Variants in MCC observed in about 807,000 individuals in gnomAD.
MCC encodes colorectal mutant cancer protein.
A neutral mutation model predicts 116.2 loss-of-function variants in MCC; 90 were observed. The observed-to-expected ratio is 0.77, with a 90% CI of 0.65 to 0.92. The LOEUF (loss-of-function observed/expected upper bound fraction) is 0.92. MCC is among the 40% of genes least tolerant of loss of function. The probability of loss-of-function intolerance (pLI) is 0.00; values close to 1 mark genes in which losing one functional copy is unlikely to be tolerated. For missense variants in MCC, 1,516 were observed against 1,312.2 expected, an observed-to-expected ratio of 1.16 and a Z score of -2.40; for synonymous variants, 578 against 510.5, an observed-to-expected ratio of 1.13 and a Z score of -1.78.
intron 1 of MCC, among the ~76,000 whole-genome samples, chr5:113,455,113 C>G (rs1305885494): frequency 6.6e-6 from 1 of 152,192 alleles, no homozygotes; most frequent in Non-Finnish European, 1.5e-5. Context: ...AACCTGACTT[C>G]TTGCAGTTTT....
intron 3 of MCC, among the ~76,000 whole-genome samples, chr5:113,205,015 C>T (rs1382526453): frequency 6.6e-6 from 1 of 152,150 alleles, no homozygotes; most frequent in African/African-American, 2.4e-5. Context: ...GGTTTTATAG[C>T]CAAAGCCACA....
intron 3 of MCC, among the ~76,000 whole-genome samples, chr5:113,153,400 G>T (rs1364188729): frequency 6.6e-6 from 1 of 152,174 alleles, no homozygotes. Context: ...GACACACACA[G>T]AGTACTTACT....
chr5:113,313,780 TTC>T (rs1767197753), intron 3 of MCC, among the ~76,000 whole-genome samples: 1 of 151,938 alleles, frequency 6.6e-6, no homozygotes, highest in Non-Finnish European at 1.5e-5. Flanking sequence ...ATCTGCCATT[TTC>T]TTTCTCTCTC....
In MCC at chr5:113,459,231, A is replaced by G. The variant is rs150193951; in HGVS notation, c.170+29014T>C. Among the ~76,000 whole-genome samples, 581 of 150,966 alleles carry G rather than the reference A, an allele frequency of 3.8e-3. 4 individuals are homozygous for G. The highest frequency in any genetic ancestry group is 7.0e-3 in the Non-Finnish European group (476 of 67,798). ...ATATGAATGAAGACTCTGGAAAAAT[A>G]TACCTTTTGAAAAAGCCACAGGCCA... On this transcript the variant is annotated intron_variant, in intron 1 of 18. Coordinates refer to ENST00000408903, the MANE Select transcript of MCC (RefSeq NM_001085377.2).
intron 8 of MCC, among the ~76,000 whole-genome samples, chr5:113,098,894 C>T (rs939209900): frequency 6.6e-6 from 1 of 152,166 alleles, no homozygotes; most frequent in Non-Finnish European, 1.5e-5. Flanking sequence ...AAAGGCAAAC[C>T]AGCCTTGTAC....
chr5:113,116,100 C>T (rs541303318), intron 6 of MCC, among the ~76,000 whole-genome samples: 23 of 152,264 alleles, frequency 1.5e-4, no homozygotes, highest in South Asian at 1.5e-3. Context: ...GGGTCACCTG[C>T]GGCAGCTCCA....
Position 113,053,791 on chromosome 5 carries a change from A to T in MCC, c.2382T>A (p.Pro794=). 6.2e-7 allele frequency: 1 copy of T among 1,614,038 alleles called. No individual in the cohort carries two copies. Among genetic ancestry groups the T allele is most frequent in the Non-Finnish European group, 8.5e-7 (1 of 1,179,932 alleles). Residue 794 remains proline (P), a synonymous_variant, in exon 15 of 19, where the codon CCT becomes CCA. Transcript: ENST00000408903. ...HIDPLSYDVK[P]RGDSQRLDLE... ...GATCCAGCCTCTGGCTGTCTCCCCGAGGCTTGACGTCATAGCTGAGAGGAT... is the reference window on the plus strand; with the variant it reads ...GATCCAGCCTCTGGCTGTCTCCCCGTGGCTTGACGTCATAGCTGAGAGGAT...
intron 12 of MCC, 131 bp from the exon 13 acceptor site, chr5:113,068,314 C>T: frequency 3.0e-6 from 2 of 656,968 alleles, no homozygotes; most frequent in South Asian, 1.8e-5. Context: ...AAGGAAACCA[C>T]CCATGAATAT....
intron 3 of MCC, among the ~76,000 whole-genome samples, chr5:113,181,686 G>T (rs967374721): frequency 6.6e-6 from 1 of 152,114 alleles, no homozygotes; most frequent in African/African-American, 2.4e-5. Flanking sequence ...AAGAACAAAT[G>T]AAAATATAAC....
Position 113,434,911 on chromosome 5 carries a change from C to T in MCC, c.171-49699G>A, listed in dbSNP as rs1770803528. 3.3e-6 allele frequency: 5 copies of T among 1,523,782 alleles called. No individual in the cohort carries two copies. Among genetic ancestry groups the T allele is most frequent in the Non-Finnish European group, 4.4e-6 (5 of 1,133,224 alleles). 94.4% of individuals were successfully genotyped at this position (1,523,782 alleles called of 1,614,324 possible). On this transcript the variant is annotated intron_variant, in intron 1 of 18. Coordinates refer to ENST00000408903, the MANE Select transcript of MCC (RefSeq NM_001085377.2). This position sits in a 1 kb window ranked among gnomAD's most constrained non-coding sequence, Gnocchi z 4.2. ...GAGGCGCATGGGCCAGCAGTGTGCT[C>T]ATTTACATCCTGGATAGAGAGTCCT... is the stretch of plus-strand genomic sequence containing the variant.
intron 3 of MCC, among the ~76,000 whole-genome samples, chr5:113,242,810 A>G (rs2091804): frequency 0.28 from 43,200 of 152,018 alleles, 8,664 homozygotes; most frequent in African/African-American, 0.56. Context: ...AAAAGGAACA[A>G]AAAACTGTGT....
At chr5:113,421,731 G>A (rs929763903) in intron 1 of MCC, among the ~76,000 whole-genome samples, 3 of 152,090 alleles carry the variant, frequency 2.0e-5, no homozygotes, top group Non-Finnish European at 2.9e-5. Flanking sequence ...AAACATCCAC[G>A]GAGCTAATGT....
chr5:113,096,225 G>T (rs929415873), intron 8 of MCC, among the ~76,000 whole-genome samples: 1 of 152,258 alleles, frequency 6.6e-6, no homozygotes, highest in East Asian at 1.9e-4. Flanking sequence ...CTGCAGAGGG[G>T]AAGTAGAGGA....
intron 2 of MCC, among the ~76,000 whole-genome samples, chr5:113,361,770 G>C (rs907326152): frequency 1.3e-5 from 2 of 152,208 alleles, no homozygotes; most frequent in Non-Finnish European, 2.9e-5. Context: ...AAAGAGAAAA[G>C]CTATATTCAC....
intron 13 of MCC, among the ~76,000 whole-genome samples, chr5:113,066,198 G>A (rs1389600942): frequency 6.6e-6 from 1 of 152,164 alleles, no homozygotes; most frequent in Non-Finnish European, 1.5e-5. Flanking sequence ...CCAAATAACT[G>A]CACTGAGTAG....
intron 1 of MCC, among the ~76,000 whole-genome samples, chr5:113,416,036 C>T (rs1175720422): frequency 6.6e-6 from 1 of 152,148 alleles, no homozygotes; most frequent in African/African-American, 2.4e-5. Context: ...CCCTAAGCTG[C>T]AGGTCTGTTG....
At chr5:113,326,729 T>G (rs766447285) in intron 3 of MCC, among the ~76,000 whole-genome samples, 2 of 152,222 alleles carry the variant, frequency 1.3e-5, no homozygotes, top group Non-Finnish European at 2.9e-5. Context: ...CTCTGTGTTA[T>G]CTTCATAATC....
chr5:113,318,414 T>C (rs1192902744), intron 3 of MCC, among the ~76,000 whole-genome samples: 1 of 152,242 alleles, frequency 6.6e-6, no homozygotes, highest in Non-Finnish European at 1.5e-5. Flanking sequence ...TTTAATCTAC[T>C]TAACATGATT....
At chr5:113,405,358 A>G (rs993199004) in intron 1 of MCC, among the ~76,000 whole-genome samples, 27 of 152,372 alleles carry the variant, frequency 1.8e-4, no homozygotes, top group African/African-American at 6.5e-4. Flanking sequence ...GAGCATCAGT[A>G]TATAAGATAT....
Sources: allele counts gnomAD v4.1 joint callset (sites outside exome capture counted in the v4.1 genomes callset), GRCh38; gene constraint gnomAD v4.1.1; non-coding constraint Gnocchi (gnomAD v3.1); transcripts MANE v1.5; gene names NCBI Gene and HGNC (gene_info 2026-07-23, HGNC 2026-07-21).